AP3D1: variants seen among roughly 807,000 people sequenced by gnomAD.
AP3D1 encodes the protein adaptor related protein complex 3 subunit delta 1, also known as AP-3 complex subunit delta-1.
A neutral mutation model predicts 147.6 loss-of-function variants in AP3D1; 51 were observed. That is an observed-to-expected ratio of 0.35 (90% CI 0.28 to 0.44). AP3D1 has a LOEUF of 0.44. Among genes scored for constraint, AP3D1 ranks in the 20% least tolerant of loss-of-function variants. The pLI, the probability that AP3D1 is intolerant of heterozygous loss-of-function variation, is 1.00. For synonymous variants in AP3D1, 760 were observed against 663.0 expected (o/e 1.15, Z -2.25); for missense variants, 1,421 against 1,624.2 (o/e 0.87, Z 2.15).
intron 1 of AP3D1, among the ~76,000 whole-genome samples, chr19:2,161,200 T>A (rs1446555143): frequency 6.7e-6 from 1 of 150,354 alleles, no homozygotes; most frequent in Non-Finnish European, 1.5e-5. Flanking sequence ...TTGCTCTTGT[T>A]GCTCAGGCTG....
At chr19:2,149,485 G>A (rs2019448563) in intron 1 of AP3D1, among the ~76,000 whole-genome samples, 1 of 151,316 alleles carries the variant, frequency 6.6e-6, no homozygotes, top group African/African-American at 2.4e-5. Context: ...GAAGGTTGTG[G>A]TGAGCCAAGA....
At chr19:2,153,057 T>TAA (rs34417814), upstream of AP3D1, among the ~76,000 whole-genome samples, 204 of 114,006 alleles carry the variant, frequency 1.8e-3, no homozygotes, top group African/African-American at 5.7e-3. Context: ...ACACCCATCT[T>TAA]AAAAAAAAAA....
rs771671627 is a variant in AP3D1 at position 2,114,289 on chromosome 19, T to A, written c.2437A>T (p.Ser813Cys). 3 of 1,611,574 alleles carry A rather than the reference T, an allele frequency of 1.9e-6. No homozygotes were observed. Among genetic ancestry groups the A allele is most frequent in the Non-Finnish European group, 2.5e-6 (3 of 1,179,346 alleles). The change falls in exon 22 of 32, where the codon AGC becomes TGC. Residue 813 changes from serine to cysteine, a missense_variant. Ser to Cys is a moderately radical substitution (Grantham distance 112). This residue lies in a region of AP3D1 where 791 missense variants were observed against 761.4 expected (regional missense o/e 1.04). Transcript: ENST00000643116. ...DIDLDKPLADSEKLPIQKHRN... is the reference protein window; with the variant it reads ...DIDLDKPLADCEKLPIQKHRN... ...TGTTTCTGAATAGGCAGTTTCTCGCTGTCGGCTAAGGGCCTGGAGGAGGAA... is the reference window on the plus strand; with the variant it reads ...TGTTTCTGAATAGGCAGTTTCTCGCAGTCGGCTAAGGGCCTGGAGGAGGAA...
At chr19:2,110,614 G>A (rs2018243923) in intron 27 of AP3D1, 93 bp downstream of exon 27, 5 of 1,332,370 alleles carry the variant, frequency 3.8e-6, no homozygotes, top group Non-Finnish European at 5.1e-6. Context: ...GACATGGGGA[G>A]GAAGCAACAA....
intron 8 of AP3D1, among the ~76,000 whole-genome samples, chr19:2,128,155 G>A (rs2018812883): frequency 6.6e-6 from 1 of 152,058 alleles, no homozygotes; most frequent in South Asian, 2.1e-4. Flanking sequence ...AGGGGTCCTG[G>A]CTCCGCCTCA....
intron 7 of AP3D1, 64 bp from the exon 8 acceptor site, chr19:2,129,227 G>T (rs989843213): frequency 1.9e-6 from 3 of 1,608,778 alleles, no homozygotes; most frequent in African/African-American, 1.4e-5. Flanking sequence ...AGGGACAGGG[G>T]GGGCCTCGGT....
chr19:2,163,260 G>A (rs1017633786), intron 1 of AP3D1, among the ~76,000 whole-genome samples: 2 of 152,020 alleles, frequency 1.3e-5, no homozygotes, highest in African/African-American at 2.4e-5. Context: ...TTTTAATAGA[G>A]ACAGGGTTTC....
At chr19:2,110,044 C>T in intron 28 of AP3D1, 86 bp from the exon 29 acceptor site, 1 of 1,587,306 alleles carries the variant, frequency 6.3e-7, no homozygotes, top group African/African-American at 1.3e-5. Flanking sequence ...GGCCCACTTC[C>T]CCTAGGGACA....
In AP3D1 at chr19:2,114,210, T is replaced by C. The variant is rs772475503; in HGVS notation, c.2516A>G (p.Lys839Arg). 5.0e-6 allele frequency: 8 copies of C among 1,613,058 alleles called. No homozygotes were observed. The South Asian group carries it at 7.7e-5, about 16-fold the overall frequency. Residue 839 changes from lysine (K) to arginine (R), a missense_variant, in exon 22 of 32, where the codon AAG (lysine) becomes AGG (arginine). By Grantham distance (26) the Lys-to-Arg change is conservative (BLOSUM62 2). Around this residue, in one of 6 missense-constraint regions of AP3D1, gnomAD observed 791 missense variants for 761.4 expected, o/e 1.04. Coordinates refer to ENST00000643116, the MANE Select transcript of AP3D1 (RefSeq NM_001261826.3). ...SPEKDVPMVE[K>R]KSKKPKKKEK... is the part of the protein sequence containing the mutation. ...TTTCTTCTTGGGTTTCTTGCTCTTC[T>C]TTTCTACCATGGGAACGTCCTTCTC...
intron 1 of AP3D1, among the ~76,000 whole-genome samples, chr19:2,148,201 G>GA (rs1484371985): frequency 4.0e-5 from 6 of 151,030 alleles, no homozygotes; most frequent in African/African-American, 1.5e-4. Flanking sequence ...CCAAAACTAT[G>GA]AAAAGGACTT....
At chr19:2,159,963 G>A (rs1206277714) in intron 1 of AP3D1, among the ~76,000 whole-genome samples, 6 of 151,994 alleles carry the variant, frequency 3.9e-5, no homozygotes, top group African/African-American at 1.5e-4. Context: ...TGATCTGCCC[G>A]CCTCAGCCTC....
Position 2,118,712 on chromosome 19 carries a change from C to A in AP3D1, c.1602G>T (p.Leu534=). ...CCTCCCCGGCCTGCTCCTTCTGCTG[C>A]AGGATGGAGGCGTAGAGCTTGACCA... The part of the protein sequence containing the change: ...QNVVKLYASI[L]QQKEQAGEAE... Residue 534 remains leucine, a synonymous_variant, in exon 15 of 32, where the codon CTG becomes CTT. Coordinates refer to ENST00000643116, the MANE Select transcript of AP3D1 (RefSeq NM_001261826.3). 1 of 1,613,618 alleles carries A rather than the reference C, an allele frequency of 6.2e-7. No individual in the cohort carries two copies. The highest frequency in any genetic ancestry group is 8.5e-7 in the Non-Finnish European group (1 of 1,180,012).
In AP3D1 at chr19:2,116,490, T is replaced by C. The variant is rs866892908; in HGVS notation, c.2001+115A>G. On this transcript the variant is annotated intron_variant, in intron 17 of 31. Transcript: ENST00000643116. ...ACGCTCTGGGAGGCAGGGACGCCCA[T>C]GCCTCCACTGCCAGGGTCAGGGCCA... is the stretch of plus-strand genomic sequence containing the variant. 52 of 1,364,226 alleles carry C rather than the reference T, an allele frequency of 3.8e-5. No individual in the cohort carries two copies. In the East Asian group the frequency reaches 1.3e-3, roughly 33 times the overall value. The allele number at this position is 1,364,226 out of a possible 1,614,324, so 84.5% of individuals were successfully genotyped here. A position where few individuals can be genotyped will look rare whatever the true frequency, so the allele number is the denominator to read the frequency against.
At chr19:2,117,413 A>C in intron 15 of AP3D1, 46 bp from the exon 16 acceptor site, 1 of 1,516,422 alleles carries the variant, frequency 6.6e-7, no homozygotes. Flanking sequence ...CCGGAAGGCC[A>C]CTCGGCCACC....
rs946865764 is a variant in AP3D1, at chr19:2,138,688, A to G, written c.123T>C (p.Asp41=). 6.2e-7 allele frequency: 1 copy of G among 1,613,526 alleles called. No individual in the cohort carries two copies. The highest frequency in any genetic ancestry group is 1.3e-5 in the African/African-American group (1 of 74,906). The change falls in exon 2 of 32, where the codon GAT becomes GAC. Residue 41 remains aspartate, a synonymous_variant. Coordinates refer to ENST00000643116, the MANE Select transcript of AP3D1 (RefSeq NM_001261826.3). The part of the protein sequence containing the change: ...DEAKYISQCI[D]EIKQELKQDN... ...CCTGCTTCAGCTCCTGCTTGATCTC[A>G]TCAATGCACTGAGATATGTATTTTG... is the stretch of plus-strand genomic sequence containing the variant.
chr19:2,143,379 T>C lies in AP3D1; in HGVS notation c.97-4665A>G, dbSNP rs552186693. On this transcript the variant is annotated intron_variant, in intron 1 of 31. Coordinates refer to ENST00000643116, the MANE Select transcript of AP3D1 (RefSeq NM_001261826.3). ...CCTCAGCCTCCCAAGTAGCTGGGAC[T>C]ACAGGCGCCCGCGACCATGCCTGGC... Among the ~76,000 whole-genome samples the C allele has an allele frequency of 1.6e-3, 250 of 151,916 alleles. 2 individuals carry two copies. The highest frequency in any genetic ancestry group is 5.7e-3 in the African/African-American group (237 of 41,442).
Position 2,138,734 on chromosome 19 carries a change from C to A in AP3D1, c.97-20G>T. The A allele has an allele frequency of 1.3e-6, 2 of 1,547,972 alleles. No homozygotes were observed. The highest frequency in any genetic ancestry group is 2.7e-5 in the African/African-American group (2 of 73,682). On this transcript the variant is annotated intron_variant, in intron 1 of 31. Transcript: ENST00000643116. Reference sequence around the variant, plus strand: ...TTTTGCCTATAATGGGGGATAAACACAGAGATTACAAACATCCAGCTAAGA... The same window carrying A: ...TTTTGCCTATAATGGGGGATAAACAAAGAGATTACAAACATCCAGCTAAGA...
At chr19:2,121,380 C>A in intron 12 of AP3D1, 69 bp from the exon 13 acceptor site, 1 of 1,553,854 alleles carries the variant, frequency 6.4e-7, no homozygotes, top group South Asian at 1.1e-5. Context: ...AGACACCCAA[C>A]ACCTGCTCCT....
At chr19:2,135,715 T>G (rs35917214) in intron 4 of AP3D1, among the ~76,000 whole-genome samples, 10,221 of 152,190 alleles carry the variant, frequency 0.067, 493 homozygotes, top group East Asian at 0.21. Flanking sequence ...CTAACAGCCC[T>G]GAGCACCTCG....
Sources: allele counts gnomAD v4.1 joint callset (sites outside exome capture counted in the v4.1 genomes callset), GRCh38; gene constraint gnomAD v4.1.1; regional missense constraint gnomAD v4.1.1; transcripts MANE v1.5; gene names NCBI Gene and HGNC (gene_info 2026-07-23, HGNC 2026-07-21).